Variants in CD300E observed in about 807,000 individuals in gnomAD.
CD300E encodes the protein CMRF35-like molecule 2.
A neutral mutation model predicts 20.9 loss-of-function variants in CD300E; 14 were observed. The observed-to-expected ratio is 0.67, with a 90% CI of 0.44 to 1.05. The LOEUF is 1.05. Ranked by LOEUF, CD300E falls within the 50% of genes least tolerant of loss-of-function variation. CD300E has a pLI of 0.00. For synonymous variants in CD300E, 102 were observed against 103.7 expected, an observed-to-expected ratio of 0.98 and a Z score of 0.10; for missense variants, 237 against 253.9, an observed-to-expected ratio of 0.93 and a Z score of 0.45.
At chr17:74,614,110 C>T (rs2030848637) in intron 2 of CD300E, 77 bp from the exon 3 acceptor site, 27 of 1,095,528 alleles carry the variant, frequency 2.5e-5, no homozygotes, top group Non-Finnish European at 3.7e-5. Context: ...GGATGTCATA[C>T]AGAATCACCC....
At chr17:74,620,777 G>A (rs1568036099) in intron 1 of CD300E, among the ~76,000 whole-genome samples, 1 of 152,182 alleles carries the variant, frequency 6.6e-6, no homozygotes, top group Non-Finnish European at 1.5e-5. Flanking sequence ...TTGCAGAGGG[G>A]AGAGCCTGGA....
intron 1 of CD300E, among the ~76,000 whole-genome samples, chr17:74,618,541 GC>G (rs1483397822): frequency 6.6e-6 from 1 of 152,120 alleles, no homozygotes; most frequent in Admixed American, 6.6e-5. Context: ...GGGCTCCTGA[GC>G]TAACTACATC....
intron 1 of CD300E, among the ~76,000 whole-genome samples, chr17:74,622,478 C>T (rs1044276568): frequency 5.3e-5 from 8 of 152,036 alleles, no homozygotes; most frequent in Admixed American, 3.9e-4. Context: ...TAGAAAGAAT[C>T]TTGTCATTAC....
At chr17:74,615,165 G>C (rs951027732) in intron 2 of CD300E, among the ~76,000 whole-genome samples, 1 of 152,244 alleles carries the variant, frequency 6.6e-6, no homozygotes, top group Non-Finnish European at 1.5e-5. Context: ...TCCACCCCCA[G>C]GCCAGCAGTG....
intron 1 of CD300E, among the ~76,000 whole-genome samples, chr17:74,617,922 G>A (rs557074691): frequency 3.3e-5 from 5 of 152,268 alleles, no homozygotes; most frequent in South Asian, 4.2e-4. Flanking sequence ...AATACTCTCC[G>A]GCTCTGATCT....
intron 1 of CD300E, among the ~76,000 whole-genome samples, chr17:74,617,976 G>T (rs1287462861): frequency 6.6e-6 from 1 of 152,210 alleles, no homozygotes; most frequent in Non-Finnish European, 1.5e-5. Context: ...GGGAAGAGGG[G>T]TTGTCCCCAA....
chr17:74,612,787 G>A lies in CD300E; in HGVS notation c.498-14C>T, dbSNP rs509574. ...CTGAGCCGGAACCTGTGGTGGACAC[G>A]GTGAAAATGAGTCACTTCCCCGGGA... is the stretch of plus-strand genomic sequence containing the variant. On this transcript the variant is annotated splice_polypyrimidine_tract_variant and intron_variant, in intron 3 of 3. Transcript: ENST00000392619. The A allele has an allele frequency of 0.27, 442,561 of 1,612,356 alleles. 62,516 individuals are homozygous for A. The highest frequency in any genetic ancestry group is 0.3 in the South Asian group (26,884 of 91,016).
At chr17:74,615,245 A>G (rs2030875288) in intron 2 of CD300E, among the ~76,000 whole-genome samples, 1 of 152,208 alleles carries the variant, frequency 6.6e-6, no homozygotes, top group Non-Finnish European at 1.5e-5. Context: ...AGTGAGAGAC[A>G]TGATAGAGTG....
chr17:74,620,598 G>A lies in CD300E; in HGVS notation c.40+2984C>T, dbSNP rs374838774. On this transcript the variant is annotated intron_variant, in intron 1 of 3. Coordinates refer to ENST00000392619, the MANE Select transcript of CD300E (RefSeq NM_181449.3). Reference sequence around the variant, plus strand: ...GCAGAGGTTTCAGTGAGCCAAGATCGTGCCATTGCACTCCAGCCTGGCAAC... The same window carrying A: ...GCAGAGGTTTCAGTGAGCCAAGATCATGCCATTGCACTCCAGCCTGGCAAC... Among the ~76,000 whole-genome samples the A allele has an allele frequency of 3.8e-4, 58 of 151,480 alleles. No homozygotes were observed. The South Asian group carries it at 5.6e-3, about 15-fold the overall frequency.
At position 74,612,752 on chromosome 17, in the gene CD300E, G is replaced by T; in HGVS notation, c.519C>A (p.His173Gln). The part of the protein sequence containing the change: ...QNSGFRLSSP[H>Q]FLLVVLLKLP... The stretch of plus-strand genomic sequence containing the variant: ...GCTTCAGAAGGACCACGAGCAGGAA[G>T]TGAGGGCTGCTGAGCCGGAACCTGT... Residue 173 changes from histidine to glutamine, a missense_variant, in exon 4 of 4, where the codon CAC becomes CAA. By Grantham distance (24) the His-to-Gln change is conservative. Transcript: ENST00000392619. The T allele has an allele frequency of 1.2e-6, 2 of 1,613,968 alleles. No individual in the cohort carries two copies. The highest frequency in any genetic ancestry group is 1.7e-6 in the Non-Finnish European group (2 of 1,179,972).
rs2030798086 is a variant in CD300E at position 74,612,247 on chromosome 17, G to GTCTCTCTCTCTGTCTC, written c.*405_*406insGAGACAGAGAGAGAGA. The GTCTCTCTCTCTGTCTC allele has an allele frequency of 9.7e-6, 1 of 103,152 alleles. No individual in the cohort carries two copies. Among genetic ancestry groups the GTCTCTCTCTCTGTCTC allele is most frequent in the African/African-American group, 3.6e-5 (1 of 27,416 alleles). The allele number at this position is 103,152 out of a possible 1,614,324, so 6.4% of individuals were successfully genotyped here. A position where few individuals can be genotyped will look rare whatever the true frequency, so the allele number is the denominator to read the frequency against. ...TCGCTCTCTCTCTCTCTCTCTCTCT[G>GTCTCTCTCTCTGTCTC]TCTCTCTCTCTCTCTCTCTCTCTCT... is the stretch of plus-strand genomic sequence containing the variant. On this transcript the variant is annotated 3_prime_UTR_variant, in exon 4 of 4. Transcript: ENST00000392619.
Position 74,612,329 on chromosome 17 carries a change from G to A in CD300E, c.*324C>T, listed in dbSNP as rs147154519. 1,234 of 193,378 alleles carry A rather than the reference G, an allele frequency of 6.4e-3. 16 individuals are homozygous for A. Among genetic ancestry groups the A allele is most frequent in the African/African-American group, 0.028 (1,163 of 42,290 alleles). 12.0% of individuals were successfully genotyped at this position (193,378 alleles called of 1,614,324 possible). A position where few individuals can be genotyped will look rare whatever the true frequency, so the allele number is the denominator to read the frequency against. ...GGCTGGCCTGGAACTCTTACGTTCA[G>A]CCGATCCTCCTGCCTCAGCCTCCTG... On this transcript the variant is annotated 3_prime_UTR_variant, in exon 4 of 4. Coordinates refer to ENST00000392619, the MANE Select transcript of CD300E (RefSeq NM_181449.3).
rs1279662117 is a variant in CD300E at position 74,611,175 on chromosome 17, C to G, written c.*1478G>C. ...CCCGGGTTAATATAATTAATATGGG[C>G]CTTGTTAGATTGAATTTCTCTTTCA... On this transcript the variant is annotated 3_prime_UTR_variant, in exon 4 of 4. Coordinates refer to ENST00000392619, the MANE Select transcript of CD300E (RefSeq NM_181449.3). 2.0e-5 allele frequency: 3 copies of G among 152,194 alleles called. No individual in the cohort carries two copies. Among genetic ancestry groups the G allele is most frequent in the Non-Finnish European group, 4.4e-5 (3 of 68,044 alleles). The allele number at this position is 152,194 out of a possible 1,614,324, so 9.4% of individuals were successfully genotyped here.
At chr17:74,621,744 C>T (rs1266408328) in intron 1 of CD300E, among the ~76,000 whole-genome samples, 1 of 152,176 alleles carries the variant, frequency 6.6e-6, no homozygotes, top group Non-Finnish European at 1.5e-5. Flanking sequence ...GGAAAGAGCT[C>T]TGTGGAGGAC....
In CD300E at chr17:74,617,217, C is replaced by T. The variant is rs779756994; in HGVS notation, c.289G>A (p.Asp97Asn). 1 of 1,614,236 alleles carries T rather than the reference C, an allele frequency of 6.2e-7. No homozygotes were observed. Among genetic ancestry groups the T allele is most frequent in the African/African-American group, 1.3e-5 (1 of 75,054 alleles). Residue 97 changes from aspartate (D) to asparagine (N), a missense_variant, in exon 2 of 4, where the codon GAT becomes AAT. Asp to Asn is a conservative substitution (Grantham distance 23, BLOSUM62 1). Transcript: ENST00000392619. The part of the protein sequence containing the change: ...FTVTMQNLNE[D>N]DAGSYWCKIQ... ...TTGCACCAGTAAGATCCAGCATCATCTTCATTGAGGTTCTGCATGGTCACA... is the reference window on the plus strand; with the variant it reads ...TTGCACCAGTAAGATCCAGCATCATTTTCATTGAGGTTCTGCATGGTCACA...
chr17:74,622,107 G>T (rs1380554849), intron 1 of CD300E, among the ~76,000 whole-genome samples: 1 of 151,582 alleles, frequency 6.6e-6, no homozygotes, highest in East Asian at 2.0e-4. Context: ...CTCAACCAAC[G>T]TTTGCTTATT....
Position 74,622,051 on chromosome 17 carries a change from G to A in CD300E, c.40+1531C>T, listed in dbSNP as rs536265122. ...ACTCCTGGGCTGAAGCATTCCTCCT[G>A]CTTTGACCTCCCAAAGCACTGGGAT... On this transcript the variant is annotated intron_variant, in intron 1 of 3. Transcript: ENST00000392619. Among the ~76,000 whole-genome samples the A allele has an allele frequency of 5.3e-5, 8 of 152,008 alleles. No individual in the cohort carries two copies. The South Asian group carries it at 6.2e-4, about 12-fold the overall frequency.
intron 1 of CD300E, among the ~76,000 whole-genome samples, chr17:74,623,231 C>A (rs1289608356): frequency 6.6e-6 from 1 of 152,178 alleles, no homozygotes; most frequent in African/African-American, 2.4e-5. Flanking sequence ...CATCTCCCAC[C>A]CTTCCAAGAG....
At chr17:74,621,615 C>T (rs565289421) in intron 1 of CD300E, among the ~76,000 whole-genome samples, 1 of 152,260 alleles carries the variant, frequency 6.6e-6, no homozygotes, top group African/African-American at 2.4e-5. Context: ...TTAATGGGAG[C>T]TACTAAATAT....
Sources: gnomAD v4.1 joint callset for allele counts (sites outside exome capture counted in the v4.1 genomes callset) on GRCh38, gnomAD v4.1.1 for gene constraint, MANE v1.5 for transcripts, NCBI Gene and HGNC (gene_info 2026-07-23, HGNC 2026-07-21) for gene names.